The following WDR36 variants were observed in gnomAD, a reference collection of about 807,000 sequenced individuals.
WDR36 encodes the protein WD repeat domain 36, also known as WD repeat-containing protein 36.
In WDR36, 63 loss-of-function variants were observed where a neutral mutation model predicts 112.7. The observed-to-expected ratio is 0.56, with a 90% CI of 0.46 to 0.69. The LOEUF (loss-of-function observed/expected upper bound fraction) is 0.69, where lower values mean the gene tolerates loss of function less well. WDR36 is among the 30% of genes least tolerant of loss of function. The probability of loss-of-function intolerance (pLI) is 0.00; values close to 1 mark genes in which losing one functional copy is unlikely to be tolerated. For synonymous variants in WDR36, 410 were observed against 362.2 expected (o/e 1.13, Z -1.50); for missense variants, 1,226 against 1,070.3 (o/e 1.15, Z -2.03).
chr5:111,097,029 CTT>C, intron 2 of WDR36, 48 bp from the exon 3 acceptor site: 3 of 1,391,566 alleles, frequency 2.2e-6, no homozygotes, highest in Non-Finnish European at 3.1e-6. Flanking sequence ...TGAGGTTTCT[CTT>C]TAACATCTTA....
chr5:111,117,679 C>T (rs1472041875), intron 16 of WDR36, among the ~76,000 whole-genome samples: 8 of 152,112 alleles, frequency 5.3e-5, no homozygotes, highest in African/African-American at 1.4e-4. Flanking sequence ...TTAGTTAGCA[C>T]GCTCAAGTGC....
rs1280221874 is a variant in WDR36 at position 111,092,427 on chromosome 5, G to C, written c.-30G>C. ...GGGTACGTGTTTTCCTTCAGGACCA[G>C]AGCTGAGAGGAGCTGGGATCGCGGC... On this transcript the variant is annotated 5_prime_UTR_variant, in exon 1 of 23. Transcript: ENST00000513710. 2 of 1,614,234 alleles carry C rather than the reference G, an allele frequency of 1.2e-6. No individual in the cohort carries two copies. The highest frequency in any genetic ancestry group is 1.7e-6 in the Non-Finnish European group (2 of 1,180,044).
At chr5:111,125,180 C>T (rs1753653022) in intron 21 of WDR36, among the ~76,000 whole-genome samples, 1 of 152,086 alleles carries the variant, frequency 6.6e-6, no homozygotes, top group Admixed American at 6.6e-5. Context: ...ACTTTTATAA[C>T]TTTATAACAA....
chr5:111,094,879 G>GT, intron 1 of WDR36, 41 bp from the exon 2 acceptor site: 1 of 1,496,992 alleles, frequency 6.7e-7, no homozygotes, highest in Non-Finnish European at 9.2e-7. Flanking sequence ...TTATGATTAT[G>GT]TTTGTTAATG....
chr5:111,109,107 G>A (rs1020212263), intron 12 of WDR36, among the ~76,000 whole-genome samples: 10 of 151,176 alleles, frequency 6.6e-5, no homozygotes, highest in Non-Finnish European at 7.4e-5. Flanking sequence ...GGAGCAGGCC[G>A]ACTAAAAACA....
In WDR36 at chr5:111,113,111, C is replaced by T. The variant is rs1304724811; in HGVS notation, c.1754C>T (p.Ala585Val). 9 of 1,573,268 alleles carry T rather than the reference C, an allele frequency of 5.7e-6. No individual in the cohort carries two copies. Among genetic ancestry groups the T allele is most frequent in the Non-Finnish European group, 3.5e-6 (4 of 1,158,614 alleles). ...GATGGTCGTTGGTTAATAAGTGCTG[C>T]GATGGATTGCTCTATTAGGACTTGG... is the stretch of plus-strand genomic sequence containing the variant. ...SPDGRWLISAAMDCSIRTWDL... is the reference protein window; with the variant it reads ...SPDGRWLISAVMDCSIRTWDL... Residue 585 changes from alanine (A) to valine (V), a missense_variant, in exon 16 of 23, where the codon GCG (alanine) becomes GTG (valine). Ala to Val is a moderately conservative substitution (Grantham distance 64). Transcript: ENST00000513710.
intron 6 of WDR36, 40 bp downstream of exon 6, chr5:111,102,439 A>G (rs890721280): frequency 2.5e-6 from 4 of 1,575,288 alleles, no homozygotes; most frequent in Non-Finnish European, 3.5e-6. Flanking sequence ...AACAAAGTTA[A>G]TAGGAAAATC....
At chr5:111,099,100 T>A (rs1424548635) in intron 4 of WDR36, among the ~76,000 whole-genome samples, 3 of 152,186 alleles carry the variant, frequency 2.0e-5, no homozygotes. Flanking sequence ...ACTTTAATGA[T>A]TTGTTGTATT....
chr5:111,103,620 G>A (rs1436609919), intron 6 of WDR36, among the ~76,000 whole-genome samples, 166 bp from the exon 7 acceptor site: 1 of 151,646 alleles, frequency 6.6e-6, no homozygotes, highest in African/African-American at 2.4e-5. Context: ...CTTCTATGCT[G>A]AATAAAAAAG....
intron 5 of WDR36, 89 bp downstream of exon 5, chr5:111,100,810 C>A: frequency 7.5e-7 from 1 of 1,333,312 alleles, no homozygotes. Context: ...TTTCTCCCTG[C>A]CCTTGTATAT....
At chr5:111,103,757 A>C (rs753488795) in intron 6 of WDR36, 29 bp from the exon 7 acceptor site, 2 of 1,609,646 alleles carry the variant, frequency 1.2e-6, no homozygotes, top group East Asian at 4.5e-5. Flanking sequence ...TGCTTAAGAA[A>C]GTAAAAGTTT....
intron 1 of WDR36, 47 bp from the exon 2 acceptor site, chr5:111,094,873 G>C: frequency 6.8e-7 from 1 of 1,462,778 alleles, no homozygotes; most frequent in Non-Finnish European, 9.5e-7. Flanking sequence ...AGGTTATTAT[G>C]ATTATGTTTG....
At chr5:111,111,988 CT>C (rs1753350688) in intron 15 of WDR36, among the ~76,000 whole-genome samples, 2 of 151,744 alleles carry the variant, frequency 1.3e-5, no homozygotes, top group Admixed American at 1.3e-4. Flanking sequence ...TTTACTAGTT[CT>C]CACACCAAAA....
At chr5:111,102,450 C>T (rs1753140402) in intron 6 of WDR36, 51 bp downstream of exon 6, 1 of 1,542,312 alleles carries the variant, frequency 6.5e-7, no homozygotes, top group African/African-American at 1.4e-5. Flanking sequence ...TAGGAAAATC[C>T]TTCAGTTTCA....
intron 15 of WDR36, 181 bp downstream of exon 15, chr5:111,111,459 G>A: frequency 3.5e-6 from 2 of 574,100 alleles, no homozygotes; most frequent in East Asian, 3.2e-5. Flanking sequence ...GGGAGTTGAT[G>A]CGATCAAATT....
intron 3 of WDR36, 79 bp downstream of exon 3, chr5:111,097,258 C>A: frequency 1.0e-6 from 1 of 993,508 alleles, no homozygotes; most frequent in Non-Finnish European, 1.6e-6. Context: ...TTTTGTCATT[C>A]TTTACCCAGC....
chr5:111,125,268 G>C (rs958270291), intron 21 of WDR36, among the ~76,000 whole-genome samples: 1 of 151,982 alleles, frequency 6.6e-6, no homozygotes, highest in African/African-American at 2.4e-5. Flanking sequence ...ATCGTTATAG[G>C]CTTCTTAATT....
In WDR36 at chr5:111,126,973, A is replaced by T; in HGVS notation, c.*90A>T. 2 of 1,278,724 alleles carry T rather than the reference A, an allele frequency of 1.6e-6. No individual in the cohort carries two copies. The highest frequency in any genetic ancestry group is 2.6e-5 in the Admixed American group (1 of 38,162). The allele number at this position is 1,278,724 out of a possible 1,614,324, so 79.2% of individuals were successfully genotyped here. On this transcript the variant is annotated 3_prime_UTR_variant, in exon 23 of 23. Coordinates refer to ENST00000513710, the MANE Select transcript of WDR36 (RefSeq NM_139281.3). ...TTTCCAAGTGTCAATGTGAAAAGAAAATAAATGCTAGCACTACTGACTAGT... is the reference window on the plus strand; with the variant it reads ...TTTCCAAGTGTCAATGTGAAAAGAATATAAATGCTAGCACTACTGACTAGT...
intron 16 of WDR36, among the ~76,000 whole-genome samples, chr5:111,113,654 T>A (rs891071072): frequency 1.3e-5 from 2 of 152,080 alleles, no homozygotes; most frequent in African/African-American, 4.8e-5. Flanking sequence ...ACTTGGTTAT[T>A]TCTAAAGAAA....
Sources: gnomAD v4.1 joint callset for allele counts (sites outside exome capture counted in the v4.1 genomes callset) on GRCh38, gnomAD v4.1.1 for gene constraint, MANE v1.5 for transcripts, NCBI Gene and HGNC (gene_info 2026-07-23, HGNC 2026-07-21) for gene names.